Variants in EVC observed in about 807,000 individuals in gnomAD.
EVC encodes the protein EvC ciliary complex subunit 1.
Under a neutral mutation model 118.9 loss-of-function variants are expected in EVC, and 116 were observed. The observed-to-expected ratio is 0.98, with a 90% CI of 0.84 to 1.14. EVC has a LOEUF of 1.14. Among genes scored for constraint, EVC ranks in the 50% most tolerant of loss-of-function variants. The pLI is 0.00. For synonymous variants in EVC, 619 were observed against 534.7 expected, an observed-to-expected ratio of 1.16 and a Z score of -2.18; for missense variants, 1,401 against 1,246.4, an observed-to-expected ratio of 1.12 and a Z score of -1.87.
At chr4:5,721,062 T>G (rs776083367) in intron 2 of EVC, among the ~76,000 whole-genome samples, 6 of 152,132 alleles carry the variant, frequency 3.9e-5, no homozygotes, top group Non-Finnish European at 7.4e-5. Context: ...TGCATCTTTG[T>G]GACAGTACGT....
At chr4:5,740,504 AAG>A in intron 5 of EVC, among the ~76,000 whole-genome samples, 1 of 151,980 alleles carries the variant, frequency 6.6e-6, no homozygotes, top group East Asian at 1.9e-4. Flanking sequence ...GAAAAAATAT[AAG>A]AGAAATTCTC....
At chr4:5,767,728 C>T (rs1434803148) in intron 11 of EVC, among the ~76,000 whole-genome samples, 1 of 152,186 alleles carries the variant, frequency 6.6e-6, no homozygotes, top group African/African-American at 2.4e-5. Context: ...TTGCGCTTCC[C>T]AAGTGAGGCA....
intron 17 of EVC, among the ~76,000 whole-genome samples, chr4:5,807,379 C>T (rs1279755244): frequency 1.3e-5 from 2 of 152,164 alleles, no homozygotes; most frequent in Non-Finnish European, 2.9e-5. Context: ...GAGGTAGGAG[C>T]AGGGTGGCAT....
At chr4:5,788,080 T>A (rs1484871980) in intron 12 of EVC, among the ~76,000 whole-genome samples, 1 of 152,180 alleles carries the variant, frequency 6.6e-6, no homozygotes, top group African/African-American at 2.4e-5. Flanking sequence ...GGGTGCAGTC[T>A]CCAGTCCTCT....
chr4:5,715,848 ATTC>A (rs1330797211), intron 1 of EVC, among the ~76,000 whole-genome samples: 3 of 150,874 alleles, frequency 2.0e-5, no homozygotes, highest in Admixed American at 6.6e-5. Context: ...GGTTCAAGCA[ATTC>A]TTCTGCCTCA....
At chr4:5,727,275 G>C (rs972931154) in intron 2 of EVC, among the ~76,000 whole-genome samples, 8 of 152,318 alleles carry the variant, frequency 5.3e-5, no homozygotes, top group African/African-American at 1.7e-4. Context: ...TAACTGGTGT[G>C]AGATGGTATC....
chr4:5,716,319 G>T (rs991671812), intron 1 of EVC, among the ~76,000 whole-genome samples: 1 of 152,230 alleles, frequency 6.6e-6, no homozygotes, highest in Non-Finnish European at 1.5e-5. Flanking sequence ...TGGCCTAAAA[G>T]GGCCAGACAT....
In EVC at chr4:5,719,180, G is replaced by A; in HGVS notation, c.175-68G>A. The A allele has an allele frequency of 5.0e-6, 8 of 1,608,222 alleles. No individual in the cohort carries two copies. The highest frequency in any genetic ancestry group is 6.8e-6 in the Non-Finnish European group (8 of 1,175,788). On this transcript the variant is annotated intron_variant, in intron 1 of 20. Transcript: ENST00000264956. This position sits in a 1 kb window ranked among gnomAD's most constrained non-coding sequence, Gnocchi z 4.7. ...GAGTTGACTGGCAAAAGTCACGGTG[G>A]GGACCAGGCCGACTGACCTCAATGT...
intron 15 of EVC, among the ~76,000 whole-genome samples, chr4:5,799,382 T>G (rs1560429508): frequency 6.6e-6 from 1 of 152,242 alleles, no homozygotes; most frequent in Non-Finnish European, 1.5e-5. Flanking sequence ...CTACCTCGTC[T>G]TGTTGGATTT....
rs183185005 is a variant in EVC at position 5,757,858 on chromosome 4, C to G, written c.1563+1496C>G. ...TTACTTAATTACCTCCAAATACAGT[C>G]ACATGGGATATTGGAGGTTAGGGCT... On this transcript the variant is annotated intron_variant, in intron 11 of 20. Coordinates refer to ENST00000264956, the MANE Select transcript of EVC (RefSeq NM_153717.3). Among the ~76,000 whole-genome samples the G allele has an allele frequency of 8.2e-5, 12 of 147,190 alleles. No individual in the cohort carries two copies. The East Asian group carries it at 2.3e-3, about 28-fold the overall frequency.
At chr4:5,770,332 T>C (rs1733750503) in intron 11 of EVC, among the ~76,000 whole-genome samples, 1 of 152,118 alleles carries the variant, frequency 6.6e-6, no homozygotes. Context: ...TAAATCACAG[T>C]GTTAGCATAG....
chr4:5,719,657 C>G lies in EVC; in HGVS notation c.300+284C>G, dbSNP rs1317157089. On this transcript the variant is annotated intron_variant, in intron 2 of 20. Transcript: ENST00000264956. The surrounding 1 kb of genome is among the most constrained non-coding windows in gnomAD (Gnocchi z 4.7). ...TTTCTGGTCACTTCCCGCCCCCACA[C>G]ACTTCCAGAGGTGCCCATGCGTGGG... is the stretch of plus-strand genomic sequence containing the variant. 6.6e-6 allele frequency among the ~76,000 whole-genome samples: 1 copy of G among 152,202 alleles called. No individual in the cohort carries two copies. Among genetic ancestry groups the G allele is most frequent in the Non-Finnish European group, 1.5e-5 (1 of 68,044 alleles).
chr4:5,821,531 T>C, the EVC span: 1 of 545,658 alleles, frequency 1.8e-6, no homozygotes, highest in Non-Finnish European at 3.3e-6. The surrounding 1 kb of genome is among the most constrained non-coding windows in gnomAD (Gnocchi z 4.4). Context: ...GAAAACACCA[T>C]GCTCCGAGGT....
chr4:5,733,690 C>T (rs183744282), intron 5 of EVC, among the ~76,000 whole-genome samples: 183 of 152,210 alleles, frequency 1.2e-3, no homozygotes, highest in Non-Finnish European at 2.0e-3. Flanking sequence ...GTGCCTCCTC[C>T]CGGGCTACAC....
chr4:5,741,653 G>A, intron 5 of EVC, 63 bp from the exon 6 acceptor site: 1 of 981,700 alleles, frequency 1.0e-6, no homozygotes, highest in Non-Finnish European at 1.6e-6. Flanking sequence ...AAAACAGAAA[G>A]CAAAAGACAA....
At position 5,803,086 on chromosome 4, in the gene EVC, T is replaced by G. The variant is rs1430295599; in HGVS notation, c.2449+992T>G. 5.9e-5 allele frequency among the ~76,000 whole-genome samples: 9 copies of G among 152,326 alleles called. No individual in the cohort carries two copies. In the South Asian group the frequency reaches 1.2e-3, roughly 21 times the overall value. ...CATGGGCTCTTGTAAAAGGCCACCC[T>G]GGGGTGATAGAAAGGACAGTATCCC... On this transcript the variant is annotated intron_variant, in intron 16 of 20. Transcript: ENST00000264956.
chr4:5,737,919 C>T lies in EVC; in HGVS notation c.703-3797C>T, dbSNP rs1404804174. Among the ~76,000 whole-genome samples, 1 of 152,178 alleles carries T rather than the reference C, an allele frequency of 6.6e-6. No individual in the cohort carries two copies. The highest frequency in any genetic ancestry group is 1.5e-5 in the Non-Finnish European group (1 of 68,044). On this transcript the variant is annotated intron_variant, in intron 5 of 20. Coordinates refer to ENST00000264956, the MANE Select transcript of EVC (RefSeq NM_153717.3). The surrounding 1 kb of genome is among the most constrained non-coding windows in gnomAD (Gnocchi z 5.0). Reference sequence around the variant, plus strand: ...TTTAAGAAATACATTTCCTAAGGCTCTAACTGCCATACATAGTGATTCCTC... The same window carrying T: ...TTTAAGAAATACATTTCCTAAGGCTTTAACTGCCATACATAGTGATTCCTC...
In EVC at chr4:5,783,721, A is replaced by G; in HGVS notation, c.1733A>G (p.Gln578Arg). ...GGGAAGTCAAATCGCTTCCGGAGGC[A>G]GCAGTGGAAACTCTTCCAGGAGCTC... ...QLGKSNRFRRQQWKLFQELLE... is the reference protein window; with the variant it reads ...QLGKSNRFRRRQWKLFQELLE... The change falls in exon 12 of 21, where the codon CAG becomes CGG. Residue 578 changes from glutamine (Q) to arginine (R), a missense_variant. By Grantham distance (43) the Gln-to-Arg change is conservative (BLOSUM62 1). Coordinates refer to ENST00000264956, the MANE Select transcript of EVC (RefSeq NM_153717.3). The G allele has an allele frequency of 1.2e-6, 2 of 1,613,918 alleles. No individual in the cohort carries two copies. Among genetic ancestry groups the G allele is most frequent in the Non-Finnish European group, 1.7e-6 (2 of 1,179,872 alleles).
intron 17 of EVC, among the ~76,000 whole-genome samples, chr4:5,807,894 G>C (rs1012899162): frequency 6.6e-6 from 1 of 152,196 alleles, no homozygotes; most frequent in African/African-American, 2.4e-5. Context: ...CCACCTCTCT[G>C]GGTTTCTTCC....
Sources: allele counts gnomAD v4.1 joint callset (sites outside exome capture counted in the v4.1 genomes callset), GRCh38; gene constraint gnomAD v4.1.1; non-coding constraint Gnocchi (gnomAD v3.1); transcripts MANE v1.5; gene names NCBI Gene and HGNC (gene_info 2026-07-23, HGNC 2026-07-21).